Variants in LRRTM4 observed in about 807,000 individuals in gnomAD.
The protein encoded by LRRTM4 is leucine-rich repeat transmembrane neuronal protein 4.
A neutral mutation model predicts 47.6 loss-of-function variants in LRRTM4; 25 were observed. The observed-to-expected ratio is 0.53, with a 90% CI of 0.38 to 0.73. The LOEUF (loss-of-function observed/expected upper bound fraction) is 0.73, where lower values mean the gene tolerates loss of function less well. Among genes scored for constraint, LRRTM4 ranks in the 30% least tolerant of loss-of-function variants. The pLI is 0.00. For synonymous variants in LRRTM4, 311 were observed against 269.5 expected (o/e 1.15, Z -1.51); for missense variants, 638 against 713.4 (o/e 0.89, Z 1.20).
chr2:76,964,877 T>C (rs1040737691), intron 3 of LRRTM4, among the ~76,000 whole-genome samples: 1 of 150,856 alleles, frequency 6.6e-6, no homozygotes, highest in African/African-American at 2.4e-5. Context: ...AATTTTCCCA[T>C]GGACATTAAA....
intron 3 of LRRTM4, among the ~76,000 whole-genome samples, chr2:76,843,392 G>A (rs1419504073): frequency 6.6e-6 from 1 of 152,058 alleles, no homozygotes; most frequent in Non-Finnish European, 1.5e-5. Flanking sequence ...TAGACTCTCT[G>A]TTAGATAATA....
At chr2:76,919,002 G>A (rs1349144551) in intron 3 of LRRTM4, among the ~76,000 whole-genome samples, 3 of 152,130 alleles carry the variant, frequency 2.0e-5, no homozygotes, top group Non-Finnish European at 4.4e-5. Context: ...AAAATCAGCA[G>A]AGAAAAGGTG....
intron 3 of LRRTM4, among the ~76,000 whole-genome samples, chr2:76,806,508 C>T (rs1020517323): frequency 6.6e-6 from 1 of 152,066 alleles, no homozygotes; most frequent in Non-Finnish European, 1.5e-5. Flanking sequence ...TTGAACCCAG[C>T]TGGCGGAGGT....
intron 3 of LRRTM4, among the ~76,000 whole-genome samples, chr2:77,513,803 T>A (rs192234616): frequency 6.6e-6 from 1 of 152,112 alleles, no homozygotes; most frequent in East Asian, 1.9e-4. Context: ...TGACCTCAAG[T>A]AATCCACCCA....
chr2:77,305,865 TAATG>T (rs1677256605), intron 3 of LRRTM4, among the ~76,000 whole-genome samples: 1 of 152,124 alleles, frequency 6.6e-6, no homozygotes, highest in African/African-American at 2.4e-5. Context: ...AAAAATATAT[TAATG>T]AAATTATTAT....
At chr2:77,467,331 C>T (rs1398989143) in intron 3 of LRRTM4, among the ~76,000 whole-genome samples, 3 of 152,082 alleles carry the variant, frequency 2.0e-5, no homozygotes, top group Non-Finnish European at 4.4e-5. Flanking sequence ...ACGGACAGTT[C>T]CACACATGAC....
At chr2:77,037,270 G>A (rs1678869442) in intron 3 of LRRTM4, among the ~76,000 whole-genome samples, 2 of 151,660 alleles carry the variant, frequency 1.3e-5, no homozygotes, top group Non-Finnish European at 3.0e-5. Flanking sequence ...AATTAAAAGG[G>A]AGTTAAAATA....
chr2:77,026,974 C>T (rs955928657), intron 3 of LRRTM4, among the ~76,000 whole-genome samples: 2 of 152,044 alleles, frequency 1.3e-5, no homozygotes, highest in Non-Finnish European at 2.9e-5. Flanking sequence ...TCACCCTTTC[C>T]CATTAGAAAT....
chr2:76,767,847 G>A (rs1398762064), intron 3 of LRRTM4, among the ~76,000 whole-genome samples: 1 of 152,090 alleles, frequency 6.6e-6, no homozygotes, highest in Non-Finnish European at 1.5e-5. Context: ...ATGTTAAAAT[G>A]GACTGAGTTC....
intron 3 of LRRTM4, among the ~76,000 whole-genome samples, chr2:77,284,243 A>T (rs1676589476): frequency 6.6e-6 from 1 of 152,104 alleles, no homozygotes; most frequent in Admixed American, 6.6e-5. Flanking sequence ...TCATGGGTAA[A>T]CACAATGGTC....
intron 3 of LRRTM4, among the ~76,000 whole-genome samples, chr2:77,377,206 T>C (rs1315582737): frequency 6.6e-6 from 1 of 151,950 alleles, no homozygotes; most frequent in East Asian, 1.9e-4. Context: ...ATTTTGTTCA[T>C]TTTTCCAAGA....
At chr2:77,073,937 A>AT (rs945639076) in intron 3 of LRRTM4, among the ~76,000 whole-genome samples, 2 of 151,950 alleles carry the variant, frequency 1.3e-5, no homozygotes, top group African/African-American at 4.8e-5. Context: ...AATAAATTTA[A>AT]TTTTACCATT....
chr2:76,843,358 TA>T (rs1034154404), intron 3 of LRRTM4, among the ~76,000 whole-genome samples: 2 of 152,060 alleles, frequency 1.3e-5, no homozygotes, highest in South Asian at 2.1e-4. Context: ...TACCCTTTTT[TA>T]AAAAAAACTT....
At chr2:77,031,733 TTG>T (rs767397744) in intron 3 of LRRTM4, among the ~76,000 whole-genome samples, 4 of 151,932 alleles carry the variant, frequency 2.6e-5, no homozygotes, top group Non-Finnish European at 5.9e-5. Context: ...AACTATATCT[TTG>T]TGTGTGCGTG....
chr2:77,380,956 TAATA>T (rs1431159595), intron 3 of LRRTM4, among the ~76,000 whole-genome samples: 1 of 152,120 alleles, frequency 6.6e-6, no homozygotes, highest in African/African-American at 2.4e-5. Flanking sequence ...AGATAAAAGA[TAATA>T]AACGAATAAA....
At chr2:77,174,669 A>C (rs1573038907) in intron 3 of LRRTM4, among the ~76,000 whole-genome samples, 1 of 134,728 alleles carries the variant, frequency 7.4e-6, no homozygotes, top group Admixed American at 7.1e-5. Flanking sequence ...TTTATACTTT[A>C]AGTTTTAGGG....
intron 3 of LRRTM4, among the ~76,000 whole-genome samples, chr2:77,386,054 G>A (rs1673257533): frequency 6.6e-6 from 1 of 151,860 alleles, no homozygotes; most frequent in Non-Finnish European, 1.5e-5. Flanking sequence ...ACCATGCCCA[G>A]CCACATGGTA....
chr2:76,857,564 A>G (rs1314445913), intron 3 of LRRTM4, among the ~76,000 whole-genome samples: 1 of 151,980 alleles, frequency 6.6e-6, no homozygotes, highest in Non-Finnish European at 1.5e-5. Flanking sequence ...AGTCAGTTGT[A>G]TTATAAATGG....
intron 3 of LRRTM4, among the ~76,000 whole-genome samples, chr2:76,765,600 C>G (rs1673425302): frequency 6.6e-6 from 1 of 152,068 alleles, no homozygotes; most frequent in African/African-American, 2.4e-5. Flanking sequence ...TTTTCTCTTT[C>G]CCCATGTGTA....
Sources: allele counts gnomAD v4.1 joint callset (sites outside exome capture counted in the v4.1 genomes callset), GRCh38; gene constraint gnomAD v4.1.1; transcripts MANE v1.5; gene names NCBI Gene and HGNC (gene_info 2026-07-23, HGNC 2026-07-21).